The following TBX21 variants were observed in gnomAD, a reference collection of about 807,000 sequenced individuals.
TBX21 encodes T-box transcription factor TBX21.
Under a neutral mutation model 52.2 loss-of-function variants are expected in TBX21, and 11 were observed. The ratio of observed to expected loss-of-function variants is 0.21; its 90% CI spans 0.13 to 0.35. TBX21 has a LOEUF of 0.35. TBX21 is among the 10% of genes least tolerant of loss of function. TBX21 has a pLI of 1.00. For synonymous variants in TBX21, 300 were observed against 316.1 expected (o/e 0.95, Z 0.54); for missense variants, 625 against 755.1 (o/e 0.83, Z 2.02).
At position 47,745,424 on chromosome 17, in the gene TBX21, A is replaced by C; in HGVS notation, c.*58A>C. On this transcript the variant is annotated 3_prime_UTR_variant, in exon 6 of 6. Coordinates refer to ENST00000177694, the MANE Select transcript of TBX21 (RefSeq NM_013351.2). ...GTTATTAGGTTGGAGGACACCGACTAATTTGGGAAACGGATGAAGGACTGA... is the reference window on the plus strand; with the variant it reads ...GTTATTAGGTTGGAGGACACCGACTCATTTGGGAAACGGATGAAGGACTGA... 1 of 1,521,906 alleles carries C rather than the reference A, an allele frequency of 6.6e-7. No homozygotes were observed. Among genetic ancestry groups the C allele is most frequent in the Non-Finnish European group, 8.8e-7 (1 of 1,138,876 alleles). 94.3% of individuals were successfully genotyped at this position (1,521,906 alleles called of 1,614,324 possible).
intron 1 of TBX21, among the ~76,000 whole-genome samples, chr17:47,737,799 T>A (rs961331952): frequency 6.6e-6 from 1 of 152,082 alleles, no homozygotes; most frequent in African/African-American, 2.4e-5. Flanking sequence ...CTAATTTATG[T>A]ATTTTTAGTA....
rs201288149 is a variant in TBX21 at position 47,738,604 on chromosome 17, ATT to A, written c.492-3993_492-3992del. 8.5e-5 allele frequency among the ~76,000 whole-genome samples: 12 copies of A among 141,560 alleles called. No homozygotes were observed. In the East Asian group the frequency reaches 1.0e-3, roughly 12 times the overall value. 92.9% of individuals were successfully genotyped at this position (141,560 alleles called of 152,430 possible). A position where few individuals can be genotyped will look rare whatever the true frequency, so the allele number is the denominator to read the frequency against. On this transcript the variant is annotated intron_variant, in intron 1 of 5. Coordinates refer to ENST00000177694, the MANE Select transcript of TBX21 (RefSeq NM_013351.2). ...CCTCATCAGCAGTAGATATTATCAC[ATT>A]TTTTTTTTTTTTGAGACAAAGTCTC...
chr17:47,740,827 G>A lies in TBX21; in HGVS notation c.492-1783G>A, dbSNP rs551226708. Among the ~76,000 whole-genome samples the A allele has an allele frequency of 1.2e-4, 18 of 152,288 alleles. No individual in the cohort carries two copies. In the South Asian group the frequency reaches 3.1e-3, roughly 26 times the overall value. Reference sequence around the variant, plus strand: ...TCAGGAAAGTCAGGGGAAGACAGGCGTGTGACAGCACCCTTCTAGGACACC... The same window carrying A: ...TCAGGAAAGTCAGGGGAAGACAGGCATGTGACAGCACCCTTCTAGGACACC... On this transcript the variant is annotated intron_variant, in intron 1 of 5. Coordinates refer to ENST00000177694, the MANE Select transcript of TBX21 (RefSeq NM_013351.2).
Position 47,744,813 on chromosome 17 carries a change from G to A in TBX21, c.1055G>A (p.Gly352Glu), listed in dbSNP as rs1202556633. 1.9e-6 allele frequency: 3 copies of A among 1,614,036 alleles called. No individual in the cohort carries two copies. The highest frequency in any genetic ancestry group is 2.2e-5 in the South Asian group (2 of 91,082). ...PPGPNCQFLG[G>E]DHYSPLLPNQ... Reference sequence around the variant, plus strand: ...GGACCCAACTGTCAATTCCTTGGGGGAGATCACTACTCTCCTCTCCTACCC... The same window carrying A: ...GGACCCAACTGTCAATTCCTTGGGGAAGATCACTACTCTCCTCTCCTACCC... The change falls in exon 6 of 6, where the codon GGA (glycine) becomes GAA (glutamate). Residue 352 changes from glycine (G) to glutamate (E), a missense_variant. Physicochemically the swap from Gly to Glu is moderately conservative, Grantham distance 98 (BLOSUM62 -2). Around this residue, in one of 4 missense-constraint regions of TBX21, gnomAD observed 261 missense variants for 275.1 expected, o/e 0.95. Coordinates refer to ENST00000177694, the MANE Select transcript of TBX21 (RefSeq NM_013351.2).
intron 1 of TBX21, among the ~76,000 whole-genome samples, chr17:47,738,686 C>T (rs143674503): frequency 4.1e-3 from 624 of 152,140 alleles, no homozygotes; most frequent in African/African-American, 0.014. Flanking sequence ...CCGCAACCTC[C>T]GCCTCCCAGG....
intron 3 of TBX21, 135 bp downstream of exon 3, chr17:47,743,327 T>C: frequency 8.0e-7 from 1 of 1,244,040 alleles, no homozygotes; most frequent in East Asian, 2.5e-5. Flanking sequence ...GGTTCGTTTT[T>C]CTTCTGTCCT....
At position 47,733,978 on chromosome 17, in the gene TBX21, G is replaced by C. The variant is rs2032173543; in HGVS notation, c.491+33G>C. On this transcript the variant is annotated intron_variant, in intron 1 of 5. Coordinates refer to ENST00000177694, the MANE Select transcript of TBX21 (RefSeq NM_013351.2). This position sits in a 1 kb window ranked among gnomAD's most constrained non-coding sequence, Gnocchi z 6.6. ...CGGCGCGCCGGCCCTTGGGGCCTCT[G>C]TGCCCGCGCCGGAACAAGAACGTCT... is the stretch of plus-strand genomic sequence containing the variant. The C allele has an allele frequency of 1.2e-6, 2 of 1,612,020 alleles. No homozygotes were observed. Among genetic ancestry groups the C allele is most frequent in the African/African-American group, 1.3e-5 (1 of 74,846 alleles).
At position 47,745,011 on chromosome 17, in the gene TBX21, C is replaced by G. The variant is rs2143438944; in HGVS notation, c.1253C>G (p.Ser418Cys). 1 of 1,612,844 alleles carries G rather than the reference C, an allele frequency of 6.2e-7. No homozygotes were observed. The highest frequency in any genetic ancestry group is 1.1e-5 in the South Asian group (1 of 91,090). ...CCCTCTGCCCCTGGGCCCACCATGT[C>G]CTACTACCGAGGCCAGGAGGTCCTG... ...FLPSAPGPTM[S>C]YYRGQEVLAP... The change falls in exon 6 of 6, where the codon TCC (serine) becomes TGC (cysteine). Residue 418 changes from serine to cysteine, a missense_variant. This residue lies in a region of TBX21 where 261 missense variants were observed against 275.1 expected (regional missense o/e 0.95). Coordinates refer to ENST00000177694, the MANE Select transcript of TBX21 (RefSeq NM_013351.2).
chr17:47,739,135 G>A (rs1471226793), intron 1 of TBX21, among the ~76,000 whole-genome samples: 1 of 152,052 alleles, frequency 6.6e-6, no homozygotes, highest in African/African-American at 2.4e-5. Flanking sequence ...GTGGCCTTTA[G>A]GGACGCTCAA....
intron 4 of TBX21, 35 bp from the exon 5 acceptor site, chr17:47,744,447 C>T (rs2032305328): frequency 6.2e-7 from 1 of 1,614,084 alleles, no homozygotes; most frequent in Non-Finnish European, 8.5e-7. Context: ...GCCCCAGACT[C>T]AGGACTCAGG....
intron 3 of TBX21, among the ~76,000 whole-genome samples, chr17:47,743,965 T>C (rs528409522): frequency 1.3e-5 from 2 of 151,722 alleles, no homozygotes; most frequent in East Asian, 1.9e-4. Context: ...TTGGTCTCAA[T>C]TGACATCTGG....
intron 3 of TBX21, 41 bp downstream of exon 3, chr17:47,743,233 C>T (rs2032287521): frequency 1.9e-6 from 3 of 1,608,194 alleles, no homozygotes; most frequent in Non-Finnish European, 2.5e-6. Context: ...CCCTGCTCCC[C>T]ACCCTGGGTC....
chr17:47,745,151 G>A lies in TBX21; in HGVS notation c.1393G>A (p.Gly465Arg). The A allele has an allele frequency of 6.2e-7, 1 of 1,614,182 alleles. No individual in the cohort carries two copies. Reference sequence around the variant, plus strand: ...GGAACCCGGCCCTGGAGGCTCAGAGGGACGGGGACCAGAGGACCAGGGTCC... The same window carrying A: ...GGAACCCGGCCCTGGAGGCTCAGAGAGACGGGGACCAGAGGACCAGGGTCC... ...PMEPGPGGSE[G>R]RGPEDQGPPL... The change falls in exon 6 of 6, where the codon GGA (glycine) becomes AGA (arginine). Residue 465 changes from glycine (G) to arginine (R), a missense_variant. Gly to Arg is a moderately radical substitution (Grantham distance 125). Transcript: ENST00000177694.
rs1228838080 is a variant in TBX21, at chr17:47,745,087, C to T, written c.1329C>T (p.Gly443=). 1.9e-6 allele frequency: 3 copies of T among 1,613,536 alleles called. No individual in the cohort carries two copies. Among genetic ancestry groups the T allele is most frequent in the Middle Eastern group, 1.6e-4 (1 of 6,084 alleles). ...PVAPQYPPKM[G]PASWFRPMRT... Reference sequence around the variant, plus strand: ...CACCCCAGTACCCTCCCAAGATGGGCCCGGCCAGCTGGTTCCGCCCTATGC... The same window carrying T: ...CACCCCAGTACCCTCCCAAGATGGGTCCGGCCAGCTGGTTCCGCCCTATGC... Residue 443 remains glycine (G), a synonymous_variant, in exon 6 of 6, where the codon GGC becomes GGT. Transcript: ENST00000177694.
In TBX21 at chr17:47,742,072, C is replaced by CT. The variant is rs34123804; in HGVS notation, c.492-524dup. 7.1e-3 allele frequency among the ~76,000 whole-genome samples: 1,013 copies of CT among 143,598 alleles called. 5 individuals are homozygous for CT. Among genetic ancestry groups the CT allele is most frequent in the African/African-American group, 0.021 (813 of 39,392 alleles). 94.2% of individuals were successfully genotyped at this position (143,598 alleles called of 152,430 possible). On this transcript the variant is annotated intron_variant, in intron 1 of 5. Transcript: ENST00000177694. The surrounding 1 kb of genome is among the most constrained non-coding windows in gnomAD (Gnocchi z 4.4). ...AGTGATGATTTTTTAGTTTTTACTC[C>CT]TTTTTTTTTTTTTTGAGATGGAGAC...
chr17:47,738,507 A>G (rs1235418958), intron 1 of TBX21, among the ~76,000 whole-genome samples: 1 of 152,154 alleles, frequency 6.6e-6, no homozygotes, highest in Non-Finnish European at 1.5e-5. Context: ...ACATTGCCAG[A>G]ATACCCTCCC....
Position 47,733,513 on chromosome 17 carries a change from G to C in TBX21, c.59G>C (p.Gly20Ala), listed in dbSNP as rs1291922911. 4.7e-6 allele frequency: 7 copies of C among 1,494,058 alleles called. No homozygotes were observed. The highest frequency in any genetic ancestry group is 6.2e-6 in the Non-Finnish European group (7 of 1,127,864). 92.6% of individuals were successfully genotyped at this position (1,494,058 alleles called of 1,614,324 possible). Residue 20 changes from glycine (G) to alanine (A), a missense_variant, in exon 1 of 6, where the codon GGG becomes GCG. Gly to Ala is a moderately conservative substitution (Grantham distance 60, BLOSUM62 0). This residue lies in a region of TBX21 where 221 missense variants were observed against 204.9 expected (regional missense o/e 1.08). Coordinates refer to ENST00000177694, the MANE Select transcript of TBX21 (RefSeq NM_013351.2). The surrounding 1 kb of genome is among the most constrained non-coding windows in gnomAD (Gnocchi z 6.6). The part of the protein sequence containing the change: ...DMLTGTEPMP[G>A]SDEGRAPGAD... ...CTGACGGGCACCGAGCCGATGCCGG[G>C]GAGCGACGAGGGCCGGGCGCCTGGC...
rs965171116 is a variant in TBX21 at position 47,744,938 on chromosome 17, A to C, written c.1180A>C (p.Ser394Arg). Residue 394 changes from serine to arginine, a missense_variant, in exon 6 of 6, where the codon AGC becomes CGC. Ser to Arg is a moderately radical substitution (Grantham distance 110). This residue lies in a region of TBX21 where 261 missense variants were observed against 275.1 expected (regional missense o/e 0.95). Transcript: ENST00000177694. The part of the protein sequence containing the change: ...AYWLGAPRDH[S>R]YEAEFRAVSM... ...CTGGCTGGGGGCCCCCCGGGACCACAGCTATGAGGCTGAGTTTCGAGCAGT... is the reference window on the plus strand; with the variant it reads ...CTGGCTGGGGGCCCCCCGGGACCACCGCTATGAGGCTGAGTTTCGAGCAGT... 1.9e-5 allele frequency: 31 copies of C among 1,613,976 alleles called. No homozygotes were observed. The highest frequency in any genetic ancestry group is 2.6e-5 in the Non-Finnish European group (31 of 1,180,000).
rs144845994 is a variant in TBX21 at position 47,740,038 on chromosome 17, T to A, written c.492-2572T>A. 2.3e-3 allele frequency among the ~76,000 whole-genome samples: 355 copies of A among 152,264 alleles called. 1 individual carries two copies. The highest frequency in any genetic ancestry group is 7.9e-3 in the African/African-American group (329 of 41,554). On this transcript the variant is annotated intron_variant, in intron 1 of 5. Transcript: ENST00000177694. The stretch of plus-strand genomic sequence containing the variant: ...CAAACCTCTCGGAGCGTCAGTTTCT[T>A]CAAATATAAAATTGGAAATAACATT...
Sources: allele counts gnomAD v4.1 joint callset (sites outside exome capture counted in the v4.1 genomes callset), GRCh38; gene constraint gnomAD v4.1.1; regional missense constraint gnomAD v4.1.1; non-coding constraint Gnocchi (gnomAD v3.1); transcripts MANE v1.5; gene names NCBI Gene and HGNC (gene_info 2026-07-23, HGNC 2026-07-21).